Variants in CIMIP6 observed in about 807,000 individuals in gnomAD.
The protein encoded by CIMIP6 is ciliary microtubule inner protein 6.
the CIMIP6 span, among the ~76,000 whole-genome samples, chr2:54,341,390 A>T: frequency 6.6e-6 from 1 of 152,188 alleles, no homozygotes; most frequent in Admixed American, 6.5e-5. Flanking sequence ...TCTTAGAATC[A>T]TAATTACCAA....
At chr2:54,360,614 A>T in the CIMIP6 span, 1 of 1,429,174 alleles carries the variant, frequency 7.0e-7, no homozygotes, top group African/African-American at 1.4e-5. Context: ...GAAATTTCAC[A>T]ATCATCATCT....
At chr2:54,356,916 T>C in the CIMIP6 span, among the ~76,000 whole-genome samples, 2 of 152,178 alleles carry the variant, frequency 1.3e-5, no homozygotes, top group African/African-American at 4.8e-5. Context: ...CACGAAGTTA[T>C]GAAACTGTGT....
chr2:54,336,815 G>A, the CIMIP6 span, among the ~76,000 whole-genome samples: 91 of 152,272 alleles, frequency 6.0e-4, no homozygotes, highest in Non-Finnish European at 9.7e-4. Context: ...GAGTGAGGGA[G>A]TGAGCATGTA....
At chr2:54,342,958 A>T in the CIMIP6 span, among the ~76,000 whole-genome samples, 2 of 152,168 alleles carry the variant, frequency 1.3e-5, no homozygotes, top group Non-Finnish European at 2.9e-5. Flanking sequence ...CTACTCTCTC[A>T]ACTTCCAAGA....
the CIMIP6 span, among the ~76,000 whole-genome samples, chr2:54,363,358 C>A: frequency 6.6e-6 from 1 of 152,152 alleles, no homozygotes; most frequent in Non-Finnish European, 1.5e-5. Context: ...CATTACCCTG[C>A]TTCTCCAGCC....
At chr2:54,379,945 C>G in the CIMIP6 span, among the ~76,000 whole-genome samples, 1 of 151,240 alleles carries the variant, frequency 6.6e-6, no homozygotes, top group South Asian at 2.1e-4. Flanking sequence ...CCATTGCACC[C>G]CAGCCTGGGT....
the CIMIP6 span, among the ~76,000 whole-genome samples, chr2:54,366,090 C>A: frequency 2.0e-5 from 3 of 152,182 alleles, no homozygotes; most frequent in African/African-American, 7.2e-5. Flanking sequence ...TAAAATCACC[C>A]ATTTTTAGCT....
the CIMIP6 span, among the ~76,000 whole-genome samples, chr2:54,372,523 G>A: frequency 6.6e-6 from 1 of 152,188 alleles, no homozygotes; most frequent in Non-Finnish European, 1.5e-5. Flanking sequence ...GAGCAAGGCA[G>A]GAGTGATGAC....
chr2:54,342,790 G>A, the CIMIP6 span, among the ~76,000 whole-genome samples: 1,227 of 152,136 alleles, frequency 8.1e-3, 22 homozygotes, highest in African/African-American at 0.028. Context: ...TATAGCCCAC[G>A]GTAGGTGTTT....
At chr2:54,361,437 T>A in the CIMIP6 span, 1 of 152,166 alleles carries the variant, frequency 6.6e-6, no homozygotes, top group South Asian at 2.1e-4. Context: ...TGGAAGTAGG[T>A]GGAGTATTCC....
the CIMIP6 span, chr2:54,334,807 T>C: frequency 1.3e-6 from 2 of 1,514,520 alleles, no homozygotes; most frequent in African/African-American, 1.4e-5. Context: ...TTACTATTTA[T>C]GTTTTTCAGA....
the CIMIP6 span, among the ~76,000 whole-genome samples, chr2:54,341,590 A>G: frequency 6.6e-5 from 10 of 152,298 alleles, no homozygotes; most frequent in South Asian, 1.9e-3. Flanking sequence ...CTGGTTTTGC[A>G]TTCCACAGCA....
chr2:54,331,757 T>G, the CIMIP6 span, among the ~76,000 whole-genome samples: 1 of 151,914 alleles, frequency 6.6e-6, no homozygotes, highest in South Asian at 2.1e-4. Context: ...GTGATTCTGA[T>G]GTACCTTAAA....
the CIMIP6 span, among the ~76,000 whole-genome samples, chr2:54,380,104 A>G: frequency 6.6e-6 from 1 of 152,060 alleles, no homozygotes; most frequent in Non-Finnish European, 1.5e-5. Flanking sequence ...AGATCACTCC[A>G]CTGCCCTCCA....
the CIMIP6 span, among the ~76,000 whole-genome samples, chr2:54,332,174 G>GCT: frequency 6.6e-6 from 1 of 152,238 alleles, no homozygotes; most frequent in African/African-American, 2.4e-5. Flanking sequence ...TATGCACTTA[G>GCT]CTCTCTCTTC....
At chr2:54,372,459 G>A in the CIMIP6 span, among the ~76,000 whole-genome samples, 1 of 152,288 alleles carries the variant, frequency 6.6e-6, no homozygotes, top group East Asian at 1.9e-4. Context: ...TTGAGAGGTG[G>A]AGTCTGTGTC....
the CIMIP6 span, among the ~76,000 whole-genome samples, chr2:54,343,555 A>G: frequency 6.6e-6 from 1 of 152,238 alleles, no homozygotes; most frequent in Non-Finnish European, 1.5e-5. Flanking sequence ...CTTCAAAGAA[A>G]TACATTTTTT....
At chr2:54,334,583 C>T in the CIMIP6 span, among the ~76,000 whole-genome samples, 1 of 152,182 alleles carries the variant, frequency 6.6e-6, no homozygotes, top group African/African-American at 2.4e-5. Context: ...TGGTGCACTG[C>T]ACTGGTATAT....
chr2:54,360,466 C>A, the CIMIP6 span: 1 of 1,581,430 alleles, frequency 6.3e-7, no homozygotes, highest in Admixed American at 1.8e-5. Flanking sequence ...CTCCTGAGAG[C>A]AGAGAAAAGA....
Sources: gnomAD v4.1 joint callset for allele counts (sites outside exome capture counted in the v4.1 genomes callset) on GRCh38, gnomAD v4.1.1 for gene constraint, MANE v1.5 for transcripts, NCBI Gene and HGNC (gene_info 2026-07-23, HGNC 2026-07-21) for gene names.